The following LMNTD2 variants were observed in gnomAD, a reference collection of about 807,000 sequenced individuals.
LMNTD2 encodes the protein lamin tail domain containing 2.
LMNTD2 carries 83 observed loss-of-function variants against 70.1 expected under a neutral mutation model. The ratio of observed to expected loss-of-function variants is 1.18; its 90% CI spans 0.99 to 1.42. The LOEUF (loss-of-function observed/expected upper bound fraction) is 1.42, where lower values mean the gene tolerates loss of function less well. Ranked by LOEUF, LMNTD2 falls within the 40% of genes most tolerant of loss-of-function variation. The probability of loss-of-function intolerance (pLI) is 0.00; values close to 1 mark genes in which losing one functional copy is unlikely to be tolerated. For synonymous variants in LMNTD2, 534 were observed against 406.1 expected, an observed-to-expected ratio of 1.31 and a Z score of -3.79; for missense variants, 1,153 against 905.9, an observed-to-expected ratio of 1.27 and a Z score of -3.50.
chr11:559,832 G>T (rs964727536), intron 1 of LMNTD2: 1 of 896,900 alleles, frequency 1.1e-6, no homozygotes, highest in Non-Finnish European at 1.4e-6. Context: ...TGATGACAGC[G>T]CACGTTAACC....
Position 558,735 on chromosome 11 carries a change from G to C in LMNTD2, c.190C>G (p.Leu64Val). The C allele has an allele frequency of 1.9e-6, 3 of 1,608,570 alleles. No individual in the cohort carries two copies. Among genetic ancestry groups the C allele is most frequent in the Non-Finnish European group, 2.5e-6 (3 of 1,178,060 alleles). Reference sequence around the variant, plus strand: ...TCTCGCTGTCTCCACAGCAGCCGCAGTGTGCGAGGGTCCAGGGACTCAAGA... The same window carrying C: ...TCTCGCTGTCTCCACAGCAGCCGCACTGTGCGAGGGTCCAGGGACTCAAGA... ...LALESLDPRT[L>V]RLLWRQRELE... Residue 64 changes from leucine (L) to valine (V), a missense_variant, in exon 3 of 14, where the codon CTG (leucine) becomes GTG (valine). Transcript: ENST00000329451.
Position 556,846 on chromosome 11 carries a change from C to A in LMNTD2, c.965G>T (p.Arg322Met). The change falls in exon 8 of 14, where the codon AGG becomes ATG. Residue 322 changes from arginine to methionine, a missense_variant. Transcript: ENST00000329451. ...CCGCCCCACTGCACCTTCTGAGTCCCTGCTGTAGCTGCCGGCCTGCACCAG... is the reference window on the plus strand; with the variant it reads ...CCGCCCCACTGCACCTTCTGAGTCCATGCTGTAGCTGCCGGCCTGCACCAG... ...QALVQAGSYSRDSEDLQKTHS... is the reference protein window; with the variant it reads ...QALVQAGSYSMDSEDLQKTHS... 6.3e-7 allele frequency: 1 copy of A among 1,578,844 alleles called. No individual in the cohort carries two copies. The highest frequency in any genetic ancestry group is 1.3e-5 in the African/African-American group (1 of 74,450).
chr11:556,350 C>T lies in LMNTD2; in HGVS notation c.1099G>A (p.Val367Met). ...CGGACGAACTTCTCCCGGCAGCTCA[C>T]AGCCACGATCTTCAGGCCTGTCGGG... The part of the protein sequence containing the change: ...QSPTGLKIVA[V>M]SCREKFVRIF... Residue 367 changes from valine (V) to methionine (M), a missense_variant, in exon 10 of 14, where the codon GTG (valine) becomes ATG (methionine). By Grantham distance (21) the Val-to-Met change is conservative (BLOSUM62 1). Transcript: ENST00000329451. 2 of 1,535,950 alleles carry T rather than the reference C, an allele frequency of 1.3e-6. No individual in the cohort carries two copies. Among genetic ancestry groups the T allele is most frequent in the Non-Finnish European group, 8.7e-7 (1 of 1,146,302 alleles).
chr11:555,620 G>T lies in LMNTD2; in HGVS notation c.1574+114C>A, dbSNP rs558329752. The T allele has an allele frequency of 4.2e-4, 533 of 1,264,206 alleles. 1 individual carries two copies. The African/African-American group carries it at 7.8e-3, about 18-fold the overall frequency. The allele number at this position is 1,264,206 out of a possible 1,614,324, so 78.3% of individuals were successfully genotyped here. On this transcript the variant is annotated intron_variant, in intron 12 of 13. Coordinates refer to ENST00000329451, the MANE Select transcript of LMNTD2 (RefSeq NM_173573.3). Reference sequence around the variant, plus strand: ...CGTACTGGAGGACCAGGGGGCGGCCGGGGCGGGGCCTGGGGAAGTAGGGGT... The same window carrying T: ...CGTACTGGAGGACCAGGGGGCGGCCTGGGCGGGGCCTGGGGAAGTAGGGGT...
rs1852865687 is a variant in LMNTD2 at position 556,296 on chromosome 11, C to T, written c.1153G>A (p.Ala385Thr). Reference sequence around the variant, plus strand: ...TTCAGCACCATGCCGCTCAGGTCGGCCGTGCTCTCCTGCGACGGGTTGAAG... The same window carrying T: ...TTCAGCACCATGCCGCTCAGGTCGGTCGTGCTCTCCTGCGACGGGTTGAAG... ...RIFNPSQEST[A>T]DLSGMVLKQL... is the part of the protein sequence containing the mutation. The change falls in exon 10 of 14, where the codon GCC becomes ACC. Residue 385 changes from alanine (A) to threonine (T), a missense_variant. Transcript: ENST00000329451. 6.5e-7 allele frequency: 1 copy of T among 1,535,544 alleles called. No homozygotes were observed. Among genetic ancestry groups the T allele is most frequent in the South Asian group, 1.2e-5 (1 of 84,046 alleles).
chr11:555,037 G>A lies in LMNTD2; in HGVS notation c.1848C>T (p.Phe616=), dbSNP rs562419222. Residue 616 remains phenylalanine, a synonymous_variant, in exon 14 of 14, where the codon TTC becomes TTT. Transcript: ENST00000329451. ...GCAGGCAGCTGAGGAAGCGGAAGCC[G>A]AATCTGCTCTCCGCCGTGTTCTGCA... ...LSVQNTAESR[F]GFRFLSCLPV... The A allele has an allele frequency of 1.1e-5, 18 of 1,593,846 alleles. No homozygotes were observed. Among genetic ancestry groups the A allele is most frequent in the Non-Finnish European group, 1.4e-5 (17 of 1,173,266 alleles).
rs1023190629 is a variant in LMNTD2 at position 559,793 on chromosome 11, T to G, written c.35-814A>C. 13 of 1,035,208 alleles carry G rather than the reference T, an allele frequency of 1.3e-5. No individual in the cohort carries two copies. The Admixed American group carries it at 4.7e-4, about 37-fold the overall frequency. 64.1% of individuals were successfully genotyped at this position (1,035,208 alleles called of 1,614,324 possible). ...TAATTCTTTAGAGACAGGGTCTTGC[T>G]CCGCTGTCCAGGCTGGAATGCTTCG... On this transcript the variant is annotated intron_variant, in intron 1 of 13. Transcript: ENST00000329451.
chr11:557,886 C>T lies in LMNTD2; in HGVS notation c.553G>A (p.Glu185Lys). The change falls in exon 5 of 14, where the codon GAG becomes AAG. Residue 185 changes from glutamate to lysine, a missense_variant and splice_region_variant. Glu to Lys is a moderately conservative substitution (Grantham distance 56). Coordinates refer to ENST00000329451, the MANE Select transcript of LMNTD2 (RefSeq NM_173573.3). Reference protein sequence around the residue: ...RMLRSQTGSVEVVTAETLMDP... With the variant: ...RMLRSQTGSVKVVTAETLMDP... The stretch of plus-strand genomic sequence containing the variant: ...GAGGGCTTGGGGGACAGGCTCACCT[C>T]CACACTGCCAGTCTGGGATCGTAGC... The T allele has an allele frequency of 6.4e-7, 1 of 1,565,660 alleles. No homozygotes were observed. Among genetic ancestry groups the T allele is most frequent in the Non-Finnish European group, 8.6e-7 (1 of 1,156,492 alleles).
In LMNTD2 at chr11:555,052, C is replaced by A; in HGVS notation, c.1833G>T (p.Thr611=). The stretch of plus-strand genomic sequence containing the variant: ...AGCGGAAGCCGAATCTGCTCTCCGC[C>A]GTGTTCTGCACCGACAGGGCCACCA... The part of the protein sequence containing the change: ...CPLVALSVQN[T]AESRFGFRFL... Residue 611 remains threonine (T), a synonymous_variant, in exon 14 of 14, where the codon ACG becomes ACT. Coordinates refer to ENST00000329451, the MANE Select transcript of LMNTD2 (RefSeq NM_173573.3). 6.3e-7 allele frequency: 1 copy of A among 1,592,908 alleles called. No individual in the cohort carries two copies. Among genetic ancestry groups the A allele is most frequent in the Non-Finnish European group, 8.5e-7 (1 of 1,172,720 alleles).
Position 555,834 on chromosome 11 carries a change from C to T in LMNTD2, c.1474G>A (p.Glu492Lys), listed in dbSNP as rs1318043527. The change falls in exon 12 of 14, where the codon GAG becomes AAG. Residue 492 changes from glutamate to lysine, a missense_variant. Glu to Lys is a moderately conservative substitution (Grantham distance 56, BLOSUM62 1). Transcript: ENST00000329451. ...CGGGTGTCGGCGCCGGGCCCGGCCT[C>T]AGGGAGCGGGAAGCGGTCGATGGAC... ...DLSIDRFPLP[E>K]AGPGADTRKP... 8 of 1,548,960 alleles carry T rather than the reference C, an allele frequency of 5.2e-6. No individual in the cohort carries two copies. In the Admixed American group the frequency reaches 1.6e-4, roughly 32 times the overall value.
intron 3 of LMNTD2, 147 bp from the exon 4 acceptor site, chr11:558,395 GCCT>G: frequency 9.1e-7 from 1 of 1,096,256 alleles, no homozygotes. Context: ...GGGCTGGCCA[GCCT>G]CCGGCTGGTC....
In LMNTD2 at chr11:555,774, C is replaced by T. The variant is rs1358791704; in HGVS notation, c.1534G>A (p.Gly512Ser). 4 of 1,476,134 alleles carry T rather than the reference C, an allele frequency of 2.7e-6. No homozygotes were observed. Among genetic ancestry groups the T allele is most frequent in the Non-Finnish European group, 3.5e-6 (4 of 1,127,100 alleles). The allele number at this position is 1,476,134 out of a possible 1,614,324, so 91.4% of individuals were successfully genotyped here. Residue 512 changes from glycine to serine, a missense_variant, in exon 12 of 14, where the codon GGC becomes AGC. Gly to Ser is a moderately conservative substitution (Grantham distance 56). Coordinates refer to ENST00000329451, the MANE Select transcript of LMNTD2 (RefSeq NM_173573.3). ...CTGACCCGGGGCTCCCGCACCCGGCCTTTGCGCAGGGGTCGAGGTGGGCGC... is the reference window on the plus strand; with the variant it reads ...CTGACCCGGGGCTCCCGCACCCGGCTTTTGCGCAGGGGTCGAGGTGGGCGC... ...PPRPPRPLRK[G>S]RVREPRVSRR...
chr11:560,285 G>T, intron 1 of LMNTD2: 1 of 1,034,992 alleles, frequency 9.7e-7, no homozygotes, highest in Non-Finnish European at 1.2e-6. Context: ...AGGGTAGGGG[G>T]TGAAGGAGCG....
rs200729988 is a variant in LMNTD2, at chr11:555,999, G to A, written c.1374C>T (p.Gly458=). The change falls in exon 11 of 14, where the codon GGC becomes GGT. Residue 458 remains glycine, a synonymous_variant. Transcript: ENST00000329451. ...GCATLLLSPK[G]EVLSEHRIPR... is the part of the protein sequence containing the mutation. ...CCCACCGGGGACCCGCACCGACCTC[G>A]CCCTTGGGGCTCAGGAGCAGCGTCG... The A allele has an allele frequency of 7.6e-3, 11,794 of 1,558,602 alleles. 63 individuals are homozygous for A. The highest frequency in any genetic ancestry group is 0.011 in the Admixed American group (626 of 55,736).
At chr11:555,959 C>T in intron 11 of LMNTD2, 29 bp from the exon 12 acceptor site, 2 of 1,553,522 alleles carry the variant, frequency 1.3e-6, no homozygotes, top group Non-Finnish European at 1.7e-6. Context: ...ACCCCCACAC[C>T]CCAGCCCCGG....
At position 558,981 on chromosome 11, in the gene LMNTD2, T is replaced by C. The variant is rs1415278643; in HGVS notation, c.35-2A>G. The C allele has an allele frequency of 1.9e-6, 3 of 1,599,482 alleles. No individual in the cohort carries two copies. The highest frequency in any genetic ancestry group is 2.5e-6 in the Non-Finnish European group (3 of 1,179,170). On this transcript the variant is annotated splice_acceptor_variant, in intron 1 of 13. Transcript: ENST00000329451. LOFTEE classifies it high-confidence loss of function. ...GGTGACCACTGACCGACTCTTGCTC[T>C]GTGGGGGACAGGAGAGCCTCTTCCT...
intron 3 of LMNTD2, 56 bp from the exon 4 acceptor site, chr11:558,304 G>A (rs1589832207): frequency 1.3e-6 from 2 of 1,572,114 alleles, no homozygotes; most frequent in Non-Finnish European, 8.7e-7. Flanking sequence ...GGTTCCTAAT[G>A]TCAGGTCAGT....
At chr11:560,232 C>T in intron 1 of LMNTD2, 7 of 885,624 alleles carry the variant, frequency 7.9e-6, no homozygotes, top group Non-Finnish European at 9.5e-6. Context: ...ATCAATGGCC[C>T]ACACAGCTGA....
In LMNTD2 at chr11:557,880, T is replaced by G; in HGVS notation, c.555+4A>C. ...GGGCAGGAGGGCTTGGGGGACAGGC[T>G]CACCTCCACACTGCCAGTCTGGGAT... On this transcript the variant is annotated splice_donor_region_variant and intron_variant, in intron 5 of 13. Transcript: ENST00000329451. 6.4e-7 allele frequency: 1 copy of G among 1,560,212 alleles called. No homozygotes were observed. Among genetic ancestry groups the G allele is most frequent in the South Asian group, 1.2e-5 (1 of 83,738 alleles).
Sources: gnomAD v4.1 joint callset for allele counts on GRCh38, gnomAD v4.1.1 for gene constraint, MANE v1.5 for transcripts, NCBI Gene and HGNC (gene_info 2026-07-23, HGNC 2026-07-21) for gene names.